GRAMD1B: variants seen among roughly 807,000 people sequenced by gnomAD.
GRAMD1B encodes protein Aster-B.
A neutral mutation model predicts 99.7 loss-of-function variants in GRAMD1B; 37 were observed. That is an observed-to-expected ratio of 0.37 (90% confidence interval 0.29 to 0.49). The LOEUF (loss-of-function observed/expected upper bound fraction) is 0.49. Among genes scored for constraint, GRAMD1B ranks in the 20% least tolerant of loss-of-function variants. GRAMD1B has a pLI of 0.98. For missense variants in GRAMD1B, 888 were observed against 1,009.2 expected (o/e 0.88, Z 1.63); for synonymous variants, 427 against 387.6 (o/e 1.10, Z -1.19).
intron 1 of GRAMD1B, among the ~76,000 whole-genome samples, chr11:123,473,361 G>C (rs973369383): frequency 1.3e-5 from 2 of 152,142 alleles, no homozygotes; most frequent in African/African-American, 4.8e-5. Context: ...ACCGTGCCCT[G>C]ACAATTTCTT....
intron 2 of GRAMD1B, among the ~76,000 whole-genome samples, chr11:123,493,515 A>G (rs749063009): frequency 1.9e-4 from 29 of 151,948 alleles, no homozygotes; most frequent in Non-Finnish European, 4.0e-4. Flanking sequence ...AGTTATATAA[A>G]CTCTGGTCCT....
intron 2 of GRAMD1B, among the ~76,000 whole-genome samples, chr11:123,533,217 C>T (rs960693307): frequency 2.6e-5 from 4 of 151,894 alleles, no homozygotes; most frequent in African/African-American, 4.8e-5. Context: ...GTGATCTGCC[C>T]GCCTCAGCCT....
At chr11:123,433,652 C>T (rs1316639637) in intron 1 of GRAMD1B, among the ~76,000 whole-genome samples, 2 of 151,248 alleles carry the variant, frequency 1.3e-5, no homozygotes, top group African/African-American at 2.4e-5. Flanking sequence ...GTGAGACCCC[C>T]ACCCCCAACG....
At chr11:123,547,127 C>T (rs192534302) in intron 2 of GRAMD1B, among the ~76,000 whole-genome samples, 155 of 152,284 alleles carry the variant, frequency 1.0e-3, no homozygotes, top group East Asian at 3.9e-4. Context: ...AGAGGCAATA[C>T]CTGCTTTGGG....
At chr11:123,577,699 A>T in intron 3 of GRAMD1B, 122 bp downstream of exon 3, 1 of 721,128 alleles carries the variant, frequency 1.4e-6, no homozygotes, top group Non-Finnish European at 2.4e-6. Context: ...GATGGCTCAG[A>T]GACAGTCATT....
chr11:123,390,960 A>G (rs1037519716), intron 1 of GRAMD1B, among the ~76,000 whole-genome samples: 5 of 152,214 alleles, frequency 3.3e-5, no homozygotes, highest in Admixed American at 6.5e-5. Context: ...ACCCAGGCTT[A>G]GATCCACTCA....
At chr11:123,369,669 C>T (rs753296602) in intron 1 of GRAMD1B, among the ~76,000 whole-genome samples, 13 of 152,120 alleles carry the variant, frequency 8.5e-5, no homozygotes, top group South Asian at 6.2e-4. Context: ...GCCAGGAGTT[C>T]GTGACCAGCC....
intron 1 of GRAMD1B, among the ~76,000 whole-genome samples, chr11:123,420,815 T>G (rs1286155858): frequency 6.6e-6 from 1 of 152,212 alleles, no homozygotes; most frequent in Non-Finnish European, 1.5e-5. Context: ...GTTCTTCATC[T>G]CTCTGAGCCT....
In GRAMD1B at chr11:123,464,427, G is replaced by A. The variant is rs541528528; in HGVS notation, c.375-16389G>A. On this transcript the variant is annotated intron_variant, in intron 1 of 19. Coordinates refer to ENST00000635736, the MANE Select transcript of GRAMD1B (RefSeq NM_001387025.1). ...ATCATTTCCCAATGCCAATTTCACC[G>A]ATAGCAGAAATCAATCATGGTGGGA... 7.9e-5 allele frequency among the ~76,000 whole-genome samples: 12 copies of A among 152,272 alleles called. No homozygotes were observed. The East Asian group carries it at 1.5e-3, about 20-fold the overall frequency.
chr11:123,566,074 T>A (rs1174283606), intron 2 of GRAMD1B, among the ~76,000 whole-genome samples: 1 of 152,204 alleles, frequency 6.6e-6, no homozygotes, highest in Non-Finnish European at 1.5e-5. Flanking sequence ...GAATTCACAT[T>A]CCACTGCTAA....
chr11:123,446,209 A>G (rs1201819307), intron 1 of GRAMD1B, among the ~76,000 whole-genome samples: 1 of 151,998 alleles, frequency 6.6e-6, no homozygotes, highest in Admixed American at 6.6e-5. Flanking sequence ...TTTGTCGCCC[A>G]GACTTGAGTG....
chr11:123,464,704 GT>G (rs1200118404), intron 1 of GRAMD1B, among the ~76,000 whole-genome samples: 1 of 152,208 alleles, frequency 6.6e-6, no homozygotes, highest in Non-Finnish European at 1.5e-5. Context: ...TGCAGCCAAG[GT>G]GGTACTGATA....
intron 1 of GRAMD1B, among the ~76,000 whole-genome samples, chr11:123,433,972 G>A (rs1949035874): frequency 6.6e-6 from 1 of 152,108 alleles, no homozygotes; most frequent in Non-Finnish European, 1.5e-5. Flanking sequence ...GCTCACGCCT[G>A]TAATCCTAGC....
chr11:123,395,011 T>C (rs7121824), intron 1 of GRAMD1B, among the ~76,000 whole-genome samples: 68,657 of 152,096 alleles, frequency 0.45, 20,266 homozygotes, highest in African/African-American at 0.85. Context: ...AGGTTCCCAC[T>C]TTCTAATACT....
At chr11:123,416,354 C>G (rs1185487102) in intron 1 of GRAMD1B, among the ~76,000 whole-genome samples, 2 of 152,158 alleles carry the variant, frequency 1.3e-5, no homozygotes, top group African/African-American at 4.8e-5. Context: ...TCTCTAGTTC[C>G]TTTAGAAAAG....
intron 2 of GRAMD1B, among the ~76,000 whole-genome samples, chr11:123,485,952 G>A (rs1937701924): frequency 6.6e-6 from 1 of 152,102 alleles, no homozygotes; most frequent in African/African-American, 2.4e-5. Flanking sequence ...CTGACCTCAA[G>A]CAATCCACCT....
chr11:123,401,228 G>A (rs764495427), intron 1 of GRAMD1B, among the ~76,000 whole-genome samples: 2 of 146,418 alleles, frequency 1.4e-5, no homozygotes, highest in Non-Finnish European at 3.0e-5. Flanking sequence ...AACCCCAAAT[G>A]GCACAGGATT....
intron 19 of GRAMD1B, among the ~76,000 whole-genome samples, chr11:123,621,855 GTCTTTCTTTCTTT>G (rs1455468484): frequency 2.2e-5 from 3 of 138,912 alleles, no homozygotes; most frequent in Non-Finnish European, 3.3e-5. Context: ...ATGCTAGATT[GTCTTTCTTTCTTT>G]TCTTTCTTTC....
intron 1 of GRAMD1B, among the ~76,000 whole-genome samples, chr11:123,457,076 C>T (rs1950166069): frequency 1.1e-5 from 1 of 87,746 alleles, no homozygotes; most frequent in Non-Finnish European, 2.4e-5. Context: ...GGCACCACTG[C>T]ACTCTAACCT....
Sources: gnomAD v4.1 joint callset for allele counts (sites outside exome capture counted in the v4.1 genomes callset) on GRCh38, gnomAD v4.1.1 for gene constraint, MANE v1.5 for transcripts, NCBI Gene and HGNC (gene_info 2026-07-23, HGNC 2026-07-21) for gene names.